Variants in PRDM5 observed in about 807,000 individuals in gnomAD.
PRDM5 encodes PR domain zinc finger protein 5.
Under a neutral mutation model 81.2 loss-of-function variants are expected in PRDM5, and 56 were observed. The observed-to-expected ratio is 0.69, with a 90% CI of 0.56 to 0.86. PRDM5 has a LOEUF of 0.86. Among genes scored for constraint, PRDM5 ranks in the 40% least tolerant of loss-of-function variants. PRDM5 has a pLI of 0.00. For synonymous variants in PRDM5, 267 were observed against 256.4 expected, an observed-to-expected ratio of 1.04 and a Z score of -0.39; for missense variants, 697 against 770.1, an observed-to-expected ratio of 0.91 and a Z score of 1.12.
chr4:120,818,298 A>G (rs887997118), intron 5 of PRDM5, 55 bp downstream of exon 5: 4 of 1,564,610 alleles, frequency 2.6e-6, no homozygotes, highest in African/African-American at 2.7e-5. Context: ...GTTAAGCTGA[A>G]TGGAATAAAC....
chr4:120,829,984 A>G (rs1228744217), intron 3 of PRDM5, among the ~76,000 whole-genome samples: 1 of 152,132 alleles, frequency 6.6e-6, no homozygotes, highest in African/African-American at 2.4e-5. Flanking sequence ...CTCTCATATA[A>G]AGCTTCTTTA....
chr4:120,732,813 A>T (rs1740462666), intron 14 of PRDM5, among the ~76,000 whole-genome samples: 1 of 152,188 alleles, frequency 6.6e-6, no homozygotes. Flanking sequence ...AGCTATACCC[A>T]GTCTTTACGA....
intron 1 of PRDM5, among the ~76,000 whole-genome samples, chr4:120,909,143 G>T (rs144776669): frequency 9.2e-5 from 14 of 152,260 alleles, no homozygotes; most frequent in Admixed American, 4.6e-4. Flanking sequence ...CTTGATTAAG[G>T]TCAATCAGGT....
intron 14 of PRDM5, among the ~76,000 whole-genome samples, chr4:120,741,734 G>T (rs1002706094): frequency 1.3e-5 from 2 of 152,098 alleles, no homozygotes; most frequent in Non-Finnish European, 2.9e-5. Flanking sequence ...TTAAAAAAAC[G>T]GCACACCACG....
At chr4:120,844,539 GGGGCCAC>G (rs1271982729) in intron 3 of PRDM5, among the ~76,000 whole-genome samples, 2 of 151,996 alleles carry the variant, frequency 1.3e-5, no homozygotes, top group African/African-American at 4.8e-5. Flanking sequence ...AATTGTTTAG[GGGGCCAC>G]CATAAACCAT....
chr4:120,712,458 TAA>T (rs1228157307), intron 14 of PRDM5, among the ~76,000 whole-genome samples: 1 of 152,100 alleles, frequency 6.6e-6, no homozygotes, highest in Non-Finnish European at 1.5e-5. Context: ...CCAACTAGCC[TAA>T]GAAGTCCAAC....
chr4:120,709,987 C>A (rs901888628), intron 15 of PRDM5, among the ~76,000 whole-genome samples: 2 of 152,120 alleles, frequency 1.3e-5, no homozygotes, highest in Non-Finnish European at 2.9e-5. Context: ...TTTGGCCAGA[C>A]ACATGAAAGC....
intron 2 of PRDM5, among the ~76,000 whole-genome samples, chr4:120,876,084 T>C (rs1277979019): frequency 6.6e-6 from 1 of 152,162 alleles, no homozygotes; most frequent in South Asian, 2.1e-4. Context: ...TGAAGAAAAC[T>C]GCATCTAGCT....
At chr4:120,825,981 C>T (rs1755924827) in intron 3 of PRDM5, among the ~76,000 whole-genome samples, 1 of 152,128 alleles carries the variant, frequency 6.6e-6, no homozygotes, top group Admixed American at 6.6e-5. Flanking sequence ...TACCTAACTA[C>T]ACCCATCATG....
intron 3 of PRDM5, among the ~76,000 whole-genome samples, chr4:120,837,095 A>G (rs766375984): frequency 3.3e-5 from 5 of 152,322 alleles, no homozygotes; most frequent in Non-Finnish European, 5.9e-5. Flanking sequence ...AGGAATTGCC[A>G]TGCCTGACTG....
Position 120,818,371 on chromosome 4 carries a change from T to C in PRDM5, c.632A>G (p.Lys211Arg). The C allele has an allele frequency of 6.2e-7, 1 of 1,614,026 alleles. No homozygotes were observed. Among genetic ancestry groups the C allele is most frequent in the Non-Finnish European group, 8.5e-7 (1 of 1,179,926 alleles). ...CKNCGKKFPVKQALQRHVLQC... is the reference protein window; with the variant it reads ...CKNCGKKFPVRQALQRHVLQC... ...TACGCACTGTCTTTGCAAAGCCTGC[T>C]TAACTGGGAATTTCTTCCCACAGTT... Residue 211 changes from lysine (K) to arginine (R), a missense_variant, in exon 5 of 16, where the codon AAG becomes AGG. This residue lies in a region of PRDM5 where 577 missense variants were observed against 606.7 expected (regional missense o/e 0.95). Coordinates refer to ENST00000264808, the MANE Select transcript of PRDM5 (RefSeq NM_018699.4).
Position 120,922,659 on chromosome 4 carries a change from C to G in PRDM5, c.-51G>C. The G allele has an allele frequency of 6.4e-7, 1 of 1,561,778 alleles. No homozygotes were observed. The highest frequency in any genetic ancestry group is 8.7e-7 in the Non-Finnish European group (1 of 1,152,960). On this transcript the variant is annotated 5_prime_UTR_variant, in exon 1 of 16. Coordinates refer to ENST00000264808, the MANE Select transcript of PRDM5 (RefSeq NM_018699.4). ...TCTCTCAACACCGGCGCTTAGCGCC[C>G]GGCAGGCGGCACATCGAAATTTGGG...
intron 14 of PRDM5, among the ~76,000 whole-genome samples, chr4:120,747,214 G>T (rs1387418110): frequency 6.7e-6 from 1 of 148,286 alleles, no homozygotes; most frequent in Non-Finnish European, 1.5e-5. Flanking sequence ...TATTCTCACT[G>T]ATAGGTGGGA....
chr4:120,722,372 T>C (rs950152138), intron 14 of PRDM5, among the ~76,000 whole-genome samples: 2 of 152,034 alleles, frequency 1.3e-5, no homozygotes, highest in African/African-American at 4.8e-5. Flanking sequence ...CTCTGCTTCC[T>C]ACCTGAGCCT....
chr4:120,701,005 G>A (rs138442215), intron 15 of PRDM5, among the ~76,000 whole-genome samples: 1,880 of 152,184 alleles, frequency 0.012, 35 homozygotes, highest in African/African-American at 0.043. Flanking sequence ...GGTGCCTGTA[G>A]TCCCAGCTAG....
rs780350712 is a variant in PRDM5 at position 120,781,318 on chromosome 4, G to A, written c.1283-15C>T. ...AGTCCTCTCACCTTAGAAACAAAGA[G>A]AAACATTTAAGAAGCAATAGCAGGG... On this transcript the variant is annotated splice_polypyrimidine_tract_variant and intron_variant, in intron 11 of 15. Coordinates refer to ENST00000264808, the MANE Select transcript of PRDM5 (RefSeq NM_018699.4). 2.5e-6 allele frequency: 4 copies of A among 1,610,258 alleles called. No homozygotes were observed. In the African/African-American group the frequency reaches 5.3e-5, roughly 22 times the overall value.
chr4:120,861,742 G>A (rs568664369), intron 2 of PRDM5, among the ~76,000 whole-genome samples: 3 of 151,380 alleles, frequency 2.0e-5, no homozygotes, highest in South Asian at 4.2e-4. Flanking sequence ...AAGCTGCAGC[G>A]AGCCAAGATC....
chr4:120,805,734 C>T (rs1393664505), intron 8 of PRDM5, among the ~76,000 whole-genome samples: 2 of 152,178 alleles, frequency 1.3e-5, no homozygotes, highest in Non-Finnish European at 2.9e-5. Flanking sequence ...GATAAACACA[C>T]AGCCAATATC....
chr4:120,825,909 C>T (rs949147719), intron 3 of PRDM5, among the ~76,000 whole-genome samples: 2 of 151,980 alleles, frequency 1.3e-5, no homozygotes, highest in Non-Finnish European at 2.9e-5. Flanking sequence ...GAGGGGTTTC[C>T]AAGGATAGGG....
Sources: allele counts gnomAD v4.1 joint callset (sites outside exome capture counted in the v4.1 genomes callset), GRCh38; gene constraint gnomAD v4.1.1; regional missense constraint gnomAD v4.1.1; transcripts MANE v1.5; gene names NCBI Gene and HGNC (gene_info 2026-07-23, HGNC 2026-07-21).